CAST: variants seen among roughly 807,000 people sequenced by gnomAD.
CAST encodes the protein calpastatin.
Under a neutral mutation model 119.6 loss-of-function variants are expected in CAST, and 76 were observed. That is an observed-to-expected ratio of 0.64 (90% CI 0.53 to 0.77). The LOEUF (loss-of-function observed/expected upper bound fraction) is 0.77. Ranked by LOEUF, CAST falls within the 30% of genes least tolerant of loss-of-function variation. CAST has a pLI of 0.00. For missense variants in CAST, 953 were observed against 946.5 expected, an observed-to-expected ratio of 1.01 and a Z score of -0.09; for synonymous variants, 319 against 331.6, an observed-to-expected ratio of 0.96 and a Z score of 0.41.
intron 1 of CAST, among the ~76,000 whole-genome samples, chr5:96,579,317 G>T (rs895154081): frequency 6.6e-6 from 1 of 152,170 alleles, no homozygotes; most frequent in Non-Finnish European, 1.5e-5. Context: ...CTGGCCAATT[G>T]TTATGGCTGC....
chr5:96,518,353 A>G, the CAST span, among the ~76,000 whole-genome samples: 2 of 152,262 alleles, frequency 1.3e-5, no homozygotes, highest in Non-Finnish European at 2.9e-5. Flanking sequence ...AAAGAAATGC[A>G]TTAGCATATC....
At chr5:95,963,887 A>T in the CAST span, among the ~76,000 whole-genome samples, 3 of 152,144 alleles carry the variant, frequency 2.0e-5, no homozygotes, top group African/African-American at 7.2e-5. Context: ...ATGATATCCT[A>T]ACTTGGCCTA....
the CAST span, among the ~76,000 whole-genome samples, chr5:96,297,310 T>C: frequency 1.9e-3 from 282 of 152,326 alleles, no homozygotes; most frequent in African/African-American, 6.7e-3. Flanking sequence ...AACGAATAAT[T>C]TGAGGAAAAA....
the CAST span, among the ~76,000 whole-genome samples, chr5:96,324,282 C>A: frequency 1.3e-5 from 2 of 152,200 alleles, no homozygotes; most frequent in African/African-American, 4.8e-5. Flanking sequence ...CTCTGACATT[C>A]TAAGTCTGAC....
the CAST span, among the ~76,000 whole-genome samples, chr5:96,185,284 C>T: frequency 1.6e-3 from 241 of 152,050 alleles, 3 homozygotes; most frequent in South Asian, 0.028. Context: ...AAAATTTTGT[C>T]TTATTCTGTA....
chr5:96,071,489 C>A, the CAST span, among the ~76,000 whole-genome samples: 3 of 152,182 alleles, frequency 2.0e-5, no homozygotes, highest in Non-Finnish European at 4.4e-5. Flanking sequence ...TTCCTACCCA[C>A]CAATGGCACT....
intron 1 of CAST, among the ~76,000 whole-genome samples, chr5:96,532,826 A>G (rs1745714205): frequency 6.6e-6 from 1 of 151,894 alleles, no homozygotes; most frequent in South Asian, 2.1e-4. Context: ...CTCCAGCCTG[A>G]CAATAAGAGC....
At chr5:96,426,699 C>T in the CAST span, among the ~76,000 whole-genome samples, 1 of 152,122 alleles carries the variant, frequency 6.6e-6, no homozygotes, top group Non-Finnish European at 1.5e-5. Flanking sequence ...TTTTTCTTGG[C>T]AATATGACTA....
the CAST span, among the ~76,000 whole-genome samples, chr5:96,375,179 A>G: frequency 5.9e-5 from 9 of 152,200 alleles, no homozygotes; most frequent in Non-Finnish European, 1.0e-4. Flanking sequence ...GGGCGTTGGA[A>G]ATGGAATATT....
At chr5:96,445,402 G>A in the CAST span, among the ~76,000 whole-genome samples, 2 of 152,040 alleles carry the variant, frequency 1.3e-5, no homozygotes, top group African/African-American at 4.8e-5. Flanking sequence ...GAAAAAGAAA[G>A]GCTTTATGTA....
chr5:96,472,909 C>T, the CAST span, among the ~76,000 whole-genome samples: 3 of 152,182 alleles, frequency 2.0e-5, no homozygotes, highest in African/African-American at 7.2e-5. Flanking sequence ...GTATCATACT[C>T]CCTCTAGGAG....
Position 96,757,470 on chromosome 5 carries a change from A to G in CAST, c.1737A>G (p.Pro579=). 1.2e-6 allele frequency: 2 copies of G among 1,614,096 alleles called. No homozygotes were observed. The highest frequency in any genetic ancestry group is 1.7e-6 in the Non-Finnish European group (2 of 1,179,960). ...ATAAAGATGGAAAGCCACTCCTGCC[A>G]AAAGAGTCTAAGGAACAGCTTCCAG... The part of the protein sequence containing the change: ...VKDKDGKPLL[P]KESKEQLPPM... Residue 579 remains proline (P), a synonymous_variant, in exon 23 of 32, where the codon CCA becomes CCG. Transcript: ENST00000675179.
chr5:96,509,823 T>C, the CAST span, among the ~76,000 whole-genome samples: 1 of 152,252 alleles, frequency 6.6e-6, no homozygotes, highest in Non-Finnish European at 1.5e-5. Context: ...GTCTAACTTC[T>C]GTTGTTTTTC....
chr5:95,988,219 A>G, the CAST span, among the ~76,000 whole-genome samples: 1 of 152,204 alleles, frequency 6.6e-6, no homozygotes, highest in Non-Finnish European at 1.5e-5. Context: ...GGAACATGTA[A>G]TCGATTCTAC....
the CAST span, among the ~76,000 whole-genome samples, chr5:96,179,898 G>T: frequency 9.3e-4 from 141 of 152,154 alleles, 1 homozygote; most frequent in Admixed American, 1.6e-3. Context: ...TTAGCCAGGC[G>T]TGGTGGCGGG....
chr5:96,605,831 TAGAG>T (rs1747243191), intron 1 of CAST, among the ~76,000 whole-genome samples: 1 of 152,206 alleles, frequency 6.6e-6, no homozygotes, highest in African/African-American at 2.4e-5. Flanking sequence ...CAGTGGACTA[TAGAG>T]AGAGAGTTTG....
chr5:96,372,097 G>A, the CAST span, among the ~76,000 whole-genome samples: 1 of 152,118 alleles, frequency 6.6e-6, no homozygotes, highest in Non-Finnish European at 1.5e-5. Flanking sequence ...CCCCAATTTT[G>A]GAAATGGGAA....
At chr5:96,224,593 G>T in the CAST span, among the ~76,000 whole-genome samples, 1 of 152,114 alleles carries the variant, frequency 6.6e-6, no homozygotes, top group Admixed American at 6.6e-5. Context: ...ATAAGGATCC[G>T]ATTCTCCCCT....
intron 1 of CAST, among the ~76,000 whole-genome samples, chr5:96,547,619 C>T (rs113681587): frequency 5.7e-4 from 87 of 152,314 alleles, no homozygotes; most frequent in Middle Eastern, 3.4e-3. Context: ...TCACCAGCTG[C>T]CTTGACAACT....
Sources: allele counts gnomAD v4.1 joint callset (sites outside exome capture counted in the v4.1 genomes callset), GRCh38; gene constraint gnomAD v4.1.1; transcripts MANE v1.5; gene names NCBI Gene and HGNC (gene_info 2026-07-23, HGNC 2026-07-21).